GALNTL6: variants seen among roughly 807,000 people sequenced by gnomAD.
The protein encoded by GALNTL6 is polypeptide N-acetylgalactosaminyltransferase-like 6.
In GALNTL6, 46 loss-of-function variants were observed where a neutral mutation model predicts 73.7. The observed-to-expected ratio is 0.62, with a 90% confidence interval of 0.49 to 0.80. The LOEUF is 0.80. Ranked by LOEUF, GALNTL6 falls within the 30% of genes least tolerant of loss-of-function variation. The probability of loss-of-function intolerance (pLI) is 0.00; values close to 1 mark genes in which losing one functional copy is unlikely to be tolerated. For missense variants in GALNTL6, 604 were observed against 755.0 expected (o/e 0.80, Z 2.34); for synonymous variants, 259 against 263.7 (o/e 0.98, Z 0.17).
intron 5 of GALNTL6, among the ~76,000 whole-genome samples, chr4:172,738,081 T>C (rs1736576181): frequency 6.6e-6 from 1 of 152,204 alleles, no homozygotes; most frequent in Non-Finnish European, 1.5e-5. Context: ...AGAGATAGTT[T>C]TCCCTTCAGG....
chr4:173,037,209 G>A (rs1394551076), intron 12 of GALNTL6, among the ~76,000 whole-genome samples: 1 of 152,188 alleles, frequency 6.6e-6, no homozygotes, highest in Non-Finnish European at 1.5e-5. Context: ...TGGATCTACT[G>A]ATCACTGTGG....
intron 7 of GALNTL6, among the ~76,000 whole-genome samples, chr4:172,836,956 G>A (rs563893637): frequency 6.6e-6 from 1 of 152,232 alleles, no homozygotes; most frequent in East Asian, 1.9e-4. Context: ...CAAATCATGT[G>A]CCTTGATTAC....
chr4:172,232,895 T>G (rs1280909350), intron 3 of GALNTL6, among the ~76,000 whole-genome samples: 1 of 152,202 alleles, frequency 6.6e-6, no homozygotes, highest in Non-Finnish European at 1.5e-5. Context: ...TAATTTATTT[T>G]AAATGATATC....
intron 2 of GALNTL6, among the ~76,000 whole-genome samples, chr4:171,822,248 A>AT (rs1395909964): frequency 5.9e-5 from 9 of 152,248 alleles, no homozygotes; most frequent in Admixed American, 2.0e-4. Context: ...TGGAGTTAGC[A>AT]TTTTTTTCAG....
intron 5 of GALNTL6, among the ~76,000 whole-genome samples, chr4:172,766,479 T>C (rs950362153): frequency 5.9e-5 from 9 of 152,042 alleles, no homozygotes; most frequent in African/African-American, 2.2e-4. Flanking sequence ...TCAATGTCTC[T>C]AACATAATGA....
At chr4:172,993,283 A>T (rs1183997063) in intron 10 of GALNTL6, among the ~76,000 whole-genome samples, 1 of 152,230 alleles carries the variant, frequency 6.6e-6, no homozygotes, top group Non-Finnish European at 1.5e-5. Context: ...GGACACAGGT[A>T]AAAAGTGGCC....
intron 2 of GALNTL6, among the ~76,000 whole-genome samples, chr4:171,864,303 G>T (rs1376326356): frequency 6.6e-6 from 1 of 152,070 alleles, no homozygotes; most frequent in Non-Finnish European, 1.5e-5. Flanking sequence ...AATATAAAAG[G>T]TCACGATTAT....
At chr4:172,365,620 C>A (rs998934356) in intron 5 of GALNTL6, among the ~76,000 whole-genome samples, 3 of 151,922 alleles carry the variant, frequency 2.0e-5, no homozygotes, top group African/African-American at 7.2e-5. Context: ...CTACAAGGGA[C>A]CTCAGCTTCA....
chr4:172,482,841 C>A (rs1733538467), intron 5 of GALNTL6, among the ~76,000 whole-genome samples: 1 of 152,134 alleles, frequency 6.6e-6, no homozygotes, highest in Non-Finnish European at 1.5e-5. Context: ...AAGTACCCAG[C>A]ACAAAGTAAA....
intron 2 of GALNTL6, among the ~76,000 whole-genome samples, chr4:171,922,984 A>C (rs1448809589): frequency 6.6e-6 from 1 of 152,136 alleles, no homozygotes; most frequent in Admixed American, 6.6e-5. Context: ...CTTCATTGCT[A>C]AAATTACATA....
At chr4:171,899,649 A>G (rs1281742439) in intron 2 of GALNTL6, among the ~76,000 whole-genome samples, 2 of 152,200 alleles carry the variant, frequency 1.3e-5, no homozygotes, top group South Asian at 2.1e-4. Flanking sequence ...TATGTATGCT[A>G]TACACATAGA....
chr4:172,947,193 T>C (rs985708259), intron 9 of GALNTL6, among the ~76,000 whole-genome samples: 14 of 152,138 alleles, frequency 9.2e-5, no homozygotes, highest in African/African-American at 3.1e-4. Context: ...GTAAAAGTTA[T>C]GCCCAGTTGA....
intron 8 of GALNTL6, among the ~76,000 whole-genome samples, chr4:172,915,288 G>A (rs1400506458): frequency 1.3e-5 from 2 of 152,134 alleles, no homozygotes; most frequent in Non-Finnish European, 2.9e-5. Flanking sequence ...GCCCACAAGA[G>A]AAAGCAGGAA....
intron 2 of GALNTL6, among the ~76,000 whole-genome samples, chr4:172,109,869 T>C (rs980937799): frequency 6.6e-6 from 1 of 152,138 alleles, no homozygotes; most frequent in South Asian, 2.1e-4. Flanking sequence ...CAAATCTTGG[T>C]GGGATCTCAA....
At chr4:172,595,647 T>C (rs1484426257) in intron 5 of GALNTL6, among the ~76,000 whole-genome samples, 1 of 152,206 alleles carries the variant, frequency 6.6e-6, no homozygotes, top group Admixed American at 6.5e-5. Context: ...AATTCACAAA[T>C]GCCTTCGGTG....
intron 2 of GALNTL6, among the ~76,000 whole-genome samples, chr4:172,168,764 A>G (rs985800220): frequency 6.6e-6 from 1 of 152,156 alleles, no homozygotes; most frequent in African/African-American, 2.4e-5. Context: ...TACCTTGTCA[A>G]TTACAGGCCA....
rs1290672697 is a variant in GALNTL6 at position 173,041,018 on chromosome 4, A to T, written c.*918A>T. On this transcript the variant is annotated 3_prime_UTR_variant, in exon 13 of 13. Coordinates refer to ENST00000506823, the MANE Select transcript of GALNTL6 (RefSeq NM_001034845.3). The stretch of plus-strand genomic sequence containing the variant: ...GTCCAGTCATAATTTTTATTAAGCA[A>T]GGAAATGGAGTGAGTTTGATGTAAT... 6.6e-6 allele frequency: 1 copy of T among 152,344 alleles called. No homozygotes were observed. Among genetic ancestry groups the T allele is most frequent in the East Asian group, 1.9e-4 (1 of 5,202 alleles). 9.4% of individuals were successfully genotyped at this position (152,344 alleles called of 1,614,324 possible).
At chr4:172,395,835 A>C (rs563753505) in intron 5 of GALNTL6, among the ~76,000 whole-genome samples, 1 of 152,194 alleles carries the variant, frequency 6.6e-6, no homozygotes, top group East Asian at 1.9e-4. Flanking sequence ...TCAACCGGCA[A>C]CATTAATTAA....
At chr4:172,549,878 G>A (rs571974069) in intron 5 of GALNTL6, among the ~76,000 whole-genome samples, 30 of 152,108 alleles carry the variant, frequency 2.0e-4, no homozygotes, top group African/African-American at 4.3e-4. Context: ...CAGCCTTTCC[G>A]TTTATAAATA....
Sources: allele counts gnomAD v4.1 joint callset (sites outside exome capture counted in the v4.1 genomes callset), GRCh38; gene constraint gnomAD v4.1.1; transcripts MANE v1.5; gene names NCBI Gene and HGNC (gene_info 2026-07-23, HGNC 2026-07-21).